Variants in DELE1 observed in about 807,000 individuals in gnomAD.
The protein encoded by DELE1 is death ligand signal enhancer.
In DELE1, 54 loss-of-function variants were observed where a neutral mutation model predicts 59.3. The observed-to-expected ratio is 0.91, with a 90% CI of 0.73 to 1.14. The LOEUF (loss-of-function observed/expected upper bound fraction) is 1.14. Among genes scored for constraint, DELE1 ranks in the 50% most tolerant of loss-of-function variants. The probability of loss-of-function intolerance (pLI) is 0.00; values close to 1 mark genes in which losing one functional copy is unlikely to be tolerated. For synonymous variants in DELE1, 264 were observed against 259.1 expected (o/e 1.02, Z -0.18); for missense variants, 636 against 643.9 (o/e 0.99, Z 0.13).
chr5:141,937,164 T>G, intron 10 of DELE1, 34 bp from the exon 11 acceptor site: 1 of 1,612,130 alleles, frequency 6.2e-7, no homozygotes, highest in Non-Finnish European at 8.5e-7. Context: ...TTCCTGCATG[T>G]GTGTATCTGT....
intron 10 of DELE1, among the ~76,000 whole-genome samples, chr5:141,936,061 A>G (rs1752327062): frequency 6.6e-6 from 1 of 152,232 alleles, no homozygotes; most frequent in African/African-American, 2.4e-5. Context: ...GGTAGAAGAG[A>G]AATTGGACCA....
In DELE1 at chr5:141,940,194, G is replaced by A. The variant is rs1464135728; in HGVS notation, c.*1435G>A. 3.0e-6 allele frequency: 3 copies of A among 985,404 alleles called. No homozygotes were observed. The highest frequency in any genetic ancestry group is 3.6e-6 in the Non-Finnish European group (3 of 829,942). 61.0% of individuals were successfully genotyped at this position (985,404 alleles called of 1,614,324 possible). A position where few individuals can be genotyped will look rare whatever the true frequency, so the allele number is the denominator to read the frequency against. ...GTATTATGGGAAGAGCCAGGGAGAC[G>A]GGCAGGGGGAGCTGAAAGCTGAGGC... On this transcript the variant is annotated 3_prime_UTR_variant, in exon 12 of 12. Transcript: ENST00000432126.
Position 141,930,198 on chromosome 5 carries a change from T to C in DELE1, c.678T>C (p.Thr226=), listed in dbSNP as rs771820736. ...TGEKEQDKSK[T]LSLEEAVTSI... ...CCCAGGAACAAGATAAATCAAAAAC[T>C]CTTTCCCTTGAGGAGGCTGTGACTT... Residue 226 remains threonine (T), a synonymous_variant, in exon 7 of 12, where the codon ACT becomes ACC. Transcript: ENST00000432126. 4 of 1,613,806 alleles carry C rather than the reference T, an allele frequency of 2.5e-6. No individual in the cohort carries two copies. The highest frequency in any genetic ancestry group is 1.7e-5 in the Admixed American group (1 of 60,010).
rs756160804 is a variant in DELE1, at chr5:141,939,409, A to G, written c.*650A>G. On this transcript the variant is annotated 3_prime_UTR_variant, in exon 12 of 12. Coordinates refer to ENST00000432126, the MANE Select transcript of DELE1 (RefSeq NM_014773.5). The stretch of plus-strand genomic sequence containing the variant: ...TCCATGAATGGCTGACACTTAGGAA[A>G]CTCTGAATTAGGCCATCCTCGAGAC... The G allele has an allele frequency of 6.9e-5, 68 of 985,554 alleles. No homozygotes were observed. Among genetic ancestry groups the G allele is most frequent in the Non-Finnish European group, 8.1e-5 (67 of 829,888 alleles). 61.1% of individuals were successfully genotyped at this position (985,554 alleles called of 1,614,324 possible).
In DELE1 at chr5:141,928,238, T is replaced by A; in HGVS notation, c.352T>A (p.Cys118Ser). The A allele has an allele frequency of 6.2e-7, 1 of 1,614,224 alleles. No homozygotes were observed. The highest frequency in any genetic ancestry group is 8.5e-7 in the Non-Finnish European group (1 of 1,180,032). ...LPAGPQRVEHCSWHSPLDRFF... is the reference protein window; with the variant it reads ...LPAGPQRVEHSSWHSPLDRFF... ...AGCAGGACCTCAGCGGGTAGAACAC[T>A]GCTCCTGGCACAGTCCCCTGGACCG... The change falls in exon 4 of 12, where the codon TGC becomes AGC. Residue 118 changes from cysteine (C) to serine (S), a missense_variant. Transcript: ENST00000432126.
In DELE1 at chr5:141,939,730, C is replaced by A; in HGVS notation, c.*971C>A. 1.0e-6 allele frequency: 1 copy of A among 979,540 alleles called. No individual in the cohort carries two copies. Among genetic ancestry groups the A allele is most frequent in the Non-Finnish European group, 1.2e-6 (1 of 824,236 alleles). The allele number at this position is 979,540 out of a possible 1,614,324, so 60.7% of individuals were successfully genotyped here. A position where few individuals can be genotyped will look rare whatever the true frequency, so the allele number is the denominator to read the frequency against. ...GACCCAGGTCTGGCTCTGCCACTTG[C>A]CTGGCCATGTCACCTTGAAGCTGTG... On this transcript the variant is annotated 3_prime_UTR_variant, in exon 12 of 12. Coordinates refer to ENST00000432126, the MANE Select transcript of DELE1 (RefSeq NM_014773.5).
Position 141,930,237 on chromosome 5 carries a change from C to T in DELE1, c.717C>T (p.Leu239=). The change falls in exon 7 of 12, where the codon CTC becomes CTT. Residue 239 remains leucine (L), a synonymous_variant. Coordinates refer to ENST00000432126, the MANE Select transcript of DELE1 (RefSeq NM_014773.5). The stretch of plus-strand genomic sequence containing the variant: ...AGGCTGTGACTTCCATTCAGCAGCT[C>T]TTCCAGCTCAGTGTTTCCATCGCTT... The part of the protein sequence containing the change: ...LEEAVTSIQQ[L]FQLSVSIAFN... The T allele has an allele frequency of 6.2e-7, 1 of 1,613,950 alleles. No homozygotes were observed. The highest frequency in any genetic ancestry group is 8.5e-7 in the Non-Finnish European group (1 of 1,179,804).
In DELE1 at chr5:141,925,588, T is replaced by A. The variant is rs915972190; in HGVS notation, c.264+61T>A. ...GTAGATGAGAATGATCCTTCATGGG[T>A]ATACAGCCGAACCTGGAACAAGGGC... On this transcript the variant is annotated intron_variant, in intron 3 of 11. Transcript: ENST00000432126. The A allele has an allele frequency of 4.8e-6, 5 of 1,034,438 alleles. No homozygotes were observed. In the Admixed American group the frequency reaches 1.3e-4, roughly 27 times the overall value. 64.1% of individuals were successfully genotyped at this position (1,034,438 alleles called of 1,614,324 possible).
In DELE1 at chr5:141,941,339, A is replaced by G; in HGVS notation, c.*2580A>G. 1.0e-6 allele frequency: 1 copy of G among 985,538 alleles called. No individual in the cohort carries two copies. The highest frequency in any genetic ancestry group is 1.2e-6 in the Non-Finnish European group (1 of 830,066). The allele number at this position is 985,538 out of a possible 1,614,324, so 61.0% of individuals were successfully genotyped here. A position where few individuals can be genotyped will look rare whatever the true frequency, so the allele number is the denominator to read the frequency against. On this transcript the variant is annotated 3_prime_UTR_variant, in exon 12 of 12. Transcript: ENST00000432126. ...AAAGGTTGGGGGTAGGATATTTTTA[A>G]GCTCTCCAATTTAAAAAGGAAGGGC...
chr5:141,925,419 C>G lies in DELE1; in HGVS notation c.156C>G (p.Pro52=), dbSNP rs754330392. ...TTATTTCATCATCTAGGTCAGGTCC[C>G]CATGGCCCAGGCACGAGCGGGGGTC... ...VPVPNLDRSG[P]HGPGTSGGPR... Residue 52 remains proline, a synonymous_variant, in exon 3 of 12, where the codon CCC becomes CCG. Transcript: ENST00000432126. 5.1e-5 allele frequency: 81 copies of G among 1,587,272 alleles called. 1 individual carries two copies. Among genetic ancestry groups the G allele is most frequent in the Non-Finnish European group, 6.2e-5 (72 of 1,167,560 alleles).
intron 7 of DELE1, among the ~76,000 whole-genome samples, chr5:141,930,956 G>A (rs1751860761): frequency 6.6e-6 from 1 of 152,182 alleles, no homozygotes; most frequent in Non-Finnish European, 1.5e-5. Flanking sequence ...GCCAGTTCCT[G>A]TTTTAGGTAC....
chr5:141,924,461 A>G (rs1381859620), intron 1 of DELE1, 120 bp from the exon 2 acceptor site: 13 of 689,420 alleles, frequency 1.9e-5, no homozygotes, highest in Middle Eastern at 3.9e-4. Context: ...GTACTACCCT[A>G]GAATCTGTAG....
At chr5:141,936,908 G>C in intron 10 of DELE1, 3 of 985,332 alleles carry the variant, frequency 3.0e-6, no homozygotes, top group Non-Finnish European at 3.6e-6. Flanking sequence ...AGTGTTTCCT[G>C]TAGCCTTCGT....
chr5:141,935,086 T>C (rs111921272), intron 10 of DELE1: 2,780 of 154,986 alleles, frequency 0.018, 81 homozygotes, highest in African/African-American at 0.061. Flanking sequence ...GAAAAACACA[T>C]CATTACAAGT....
intron 10 of DELE1, 192 bp downstream of exon 10, chr5:141,934,778 C>T (rs1451190587): frequency 1.3e-5 from 8 of 597,356 alleles, no homozygotes; most frequent in Non-Finnish European, 2.1e-5. Context: ...AGCTGGCTTG[C>T]ACCAGGCTGT....
Position 141,939,512 on chromosome 5 carries a change from G to A in DELE1, c.*753G>A, listed in dbSNP as rs1454319869. On this transcript the variant is annotated 3_prime_UTR_variant, in exon 12 of 12. Coordinates refer to ENST00000432126, the MANE Select transcript of DELE1 (RefSeq NM_014773.5). ...TTCACCTTTGATTTGGAAGGAAGAA[G>A]TTTCTTGCCCAAATGCCTGGATGTG... 1 of 985,716 alleles carries A rather than the reference G, an allele frequency of 1.0e-6. No individual in the cohort carries two copies. Among genetic ancestry groups the A allele is most frequent in the Non-Finnish European group, 1.2e-6 (1 of 829,944 alleles). 61.1% of individuals were successfully genotyped at this position (985,716 alleles called of 1,614,324 possible). A position where few individuals can be genotyped will look rare whatever the true frequency, so the allele number is the denominator to read the frequency against.
At position 141,939,768 on chromosome 5, in the gene DELE1, A is replaced by G. The variant is rs1469995697; in HGVS notation, c.*1009A>G. 16 of 893,824 alleles carry G rather than the reference A, an allele frequency of 1.8e-5. No homozygotes were observed. The highest frequency in any genetic ancestry group is 6.2e-5 in the Admixed American group (1 of 16,154). The allele number at this position is 893,824 out of a possible 1,614,324, so 55.4% of individuals were successfully genotyped here. On this transcript the variant is annotated 3_prime_UTR_variant, in exon 12 of 12. Transcript: ENST00000432126. ...CCTTGAAGCTGTGACCTGACTCCCTATATTGTTTCCTCAGTTGTAGACCAA... is the reference window on the plus strand; with the variant it reads ...CCTTGAAGCTGTGACCTGACTCCCTGTATTGTTTCCTCAGTTGTAGACCAA...
intron 5 of DELE1, 39 bp downstream of exon 5, chr5:141,929,779 G>C (rs1007473228): frequency 6.2e-7 from 1 of 1,609,610 alleles, no homozygotes; most frequent in Non-Finnish European, 8.5e-7. Flanking sequence ...AAGGCAGGGG[G>C]CGGTGGTGGT....
intron 10 of DELE1, among the ~76,000 whole-genome samples, chr5:141,936,216 A>G (rs1162337883): frequency 6.6e-6 from 1 of 152,146 alleles, no homozygotes. Flanking sequence ...ATCCCACTTT[A>G]TAGGTAAGAA....
Sources: gnomAD v4.1 joint callset for allele counts (sites outside exome capture counted in the v4.1 genomes callset) on GRCh38, gnomAD v4.1.1 for gene constraint, MANE v1.5 for transcripts, NCBI Gene and HGNC (gene_info 2026-07-23, HGNC 2026-07-21) for gene names.